The following FAM163A variants were observed in gnomAD, a reference collection of about 807,000 sequenced individuals.
FAM163A encodes family with sequence similarity 163 member A, also known as protein FAM163A.
In FAM163A, 7 loss-of-function variants were observed where a neutral mutation model predicts 12.0. That is an observed-to-expected ratio of 0.58 (90% CI 0.33 to 1.10). The LOEUF (loss-of-function observed/expected upper bound fraction) is 1.10. FAM163A is among the 50% of genes least tolerant of loss of function. The pLI is 0.03. For missense variants in FAM163A, 202 were observed against 218.6 expected (o/e 0.92, Z 0.48); for synonymous variants, 101 against 91.0 (o/e 1.11, Z -0.62).
intron 1 of FAM163A, among the ~76,000 whole-genome samples, chr1:179,797,213 G>A (rs530198092): frequency 2.0e-5 from 3 of 152,194 alleles, no homozygotes; most frequent in South Asian, 2.1e-4. Flanking sequence ...GTGGGAGGCC[G>A]AGGCGGGCAG....
At chr1:179,757,097 A>G (rs893941963) in intron 1 of FAM163A, among the ~76,000 whole-genome samples, 18 of 152,168 alleles carry the variant, frequency 1.2e-4, no homozygotes, top group African/African-American at 4.3e-4. Flanking sequence ...GTGTGGACAC[A>G]GCAAGTATAG....
chr1:179,743,794 A>T (rs1684013554), intron 1 of FAM163A, among the ~76,000 whole-genome samples: 4 of 152,064 alleles, frequency 2.6e-5, no homozygotes, highest in Admixed American at 2.0e-4. Flanking sequence ...GGCCGTGCCG[A>T]AGGCGCTCTA....
At chr1:179,795,472 AAG>A (rs1158638758) in intron 1 of FAM163A, among the ~76,000 whole-genome samples, 3 of 152,168 alleles carry the variant, frequency 2.0e-5, no homozygotes, top group African/African-American at 4.8e-5. Flanking sequence ...CTCCTGATAA[AAG>A]GATAAATTGG....
rs1001645109 is a variant in FAM163A at position 179,816,006 on chromosome 1, G to C, written c.*1817G>C. ...CATTTTCTCCAGGGAAACGAGGCTTGCCCAGATAGACTAACAACCCTTTAG... is the reference window on the plus strand; with the variant it reads ...CATTTTCTCCAGGGAAACGAGGCTTCCCCAGATAGACTAACAACCCTTTAG... On this transcript the variant is annotated 3_prime_UTR_variant, in exon 5 of 5. Coordinates refer to ENST00000341785, the MANE Select transcript of FAM163A (RefSeq NM_173509.3). 1 of 152,176 alleles carries C rather than the reference G, an allele frequency of 6.6e-6. No homozygotes were observed. Among genetic ancestry groups the C allele is most frequent in the African/African-American group, 2.4e-5 (1 of 41,394 alleles). 9.4% of individuals were successfully genotyped at this position (152,176 alleles called of 1,614,324 possible).
intron 1 of FAM163A, among the ~76,000 whole-genome samples, chr1:179,786,771 T>C (rs1690691574): frequency 6.6e-6 from 1 of 152,190 alleles, no homozygotes; most frequent in African/African-American, 2.4e-5. Context: ...CCTGAGCATT[T>C]CCAAAGTGAC....
At chr1:179,742,456 T>G (rs1224210262), upstream of FAM163A, 1 of 152,214 alleles carries the variant, frequency 6.6e-6, no homozygotes, top group Non-Finnish European at 1.5e-5. Flanking sequence ...CTCGCTGTCT[T>G]CAGTCCAATC....
chr1:179,774,460 T>G (rs1688676441), intron 1 of FAM163A, among the ~76,000 whole-genome samples: 1 of 152,204 alleles, frequency 6.6e-6, no homozygotes, highest in Admixed American at 6.5e-5. Context: ...CCTATGTGCT[T>G]TTTTCTCCGG....
At chr1:179,763,571 T>A (rs942972399) in intron 1 of FAM163A, among the ~76,000 whole-genome samples, 2 of 152,226 alleles carry the variant, frequency 1.3e-5, no homozygotes, top group Non-Finnish European at 2.9e-5. Context: ...TTTCCTACTT[T>A]CCTGCTCTAA....
intron 1 of FAM163A, among the ~76,000 whole-genome samples, chr1:179,782,139 G>A (rs1205367257): frequency 2.6e-5 from 4 of 152,072 alleles, no homozygotes; most frequent in East Asian, 1.9e-4. Flanking sequence ...ATGATCTCAC[G>A]GGCCGGGTGG....
At chr1:179,761,763 C>CGAGT (rs1184412179) in intron 1 of FAM163A, among the ~76,000 whole-genome samples, 1 of 151,874 alleles carries the variant, frequency 6.6e-6, no homozygotes, top group Non-Finnish European at 1.5e-5. Context: ...TTAGGATAAT[C>CGAGT]GAGTATTGAG....
chr1:179,739,371 A>T (rs1011338713), upstream of FAM163A, among the ~76,000 whole-genome samples: 1 of 152,226 alleles, frequency 6.6e-6, no homozygotes, highest in Non-Finnish European at 1.5e-5. Flanking sequence ...GGATGAAAAG[A>T]CTGGGGGAAA....
rs541938106 is a variant in FAM163A, at chr1:179,765,163, C to T, written c.-136+21740C>T. ...TGCCGCTGGTGGAGGCTGGTTTGCTCTGTGTCAAAGTGGATGTCACCCCAC... is the reference window on the plus strand; with the variant it reads ...TGCCGCTGGTGGAGGCTGGTTTGCTTTGTGTCAAAGTGGATGTCACCCCAC... On this transcript the variant is annotated intron_variant, in intron 1 of 4. Transcript: ENST00000341785. Among the ~76,000 whole-genome samples the T allele has an allele frequency of 4.6e-4, 70 of 152,324 alleles. 1 individual carries two copies. In the South Asian group the frequency reaches 0.014, roughly 31 times the overall value.
At chr1:179,785,557 G>A (rs1288096176) in intron 1 of FAM163A, among the ~76,000 whole-genome samples, 1 of 152,144 alleles carries the variant, frequency 6.6e-6, no homozygotes, top group East Asian at 1.9e-4. Flanking sequence ...GGGGAGTGGG[G>A]AGGGGGTCAT....
At chr1:179,793,813 G>A (rs1691870165) in intron 1 of FAM163A, among the ~76,000 whole-genome samples, 4 of 152,224 alleles carry the variant, frequency 2.6e-5, no homozygotes, top group Admixed American at 2.0e-4. Flanking sequence ...TGATGCAGTG[G>A]GCATTTGGCC....
chr1:179,799,651 T>C (rs1692879166), intron 1 of FAM163A, among the ~76,000 whole-genome samples: 1 of 152,236 alleles, frequency 6.6e-6, no homozygotes, highest in Non-Finnish European at 1.5e-5. Flanking sequence ...GAAAACTCTC[T>C]AAACTGTTAA....
At chr1:179,774,299 C>G (rs1688655585) in intron 1 of FAM163A, among the ~76,000 whole-genome samples, 1 of 152,250 alleles carries the variant, frequency 6.6e-6, no homozygotes, top group African/African-American at 2.4e-5. Context: ...AGGTGTGCTG[C>G]AGGCAGCCAG....
At chr1:179,740,991 T>C (rs1683569780), upstream of FAM163A, among the ~76,000 whole-genome samples, 1 of 152,184 alleles carries the variant, frequency 6.6e-6, no homozygotes, top group Non-Finnish European at 1.5e-5. Flanking sequence ...AAAAAGCGAC[T>C]CTTGATCAAA....
chr1:179,749,429 A>G (rs1251019998), intron 1 of FAM163A, among the ~76,000 whole-genome samples: 2 of 152,234 alleles, frequency 1.3e-5, no homozygotes, highest in African/African-American at 4.8e-5. Flanking sequence ...CAACAAGAAG[A>G]CAAATCAGAG....
intron 1 of FAM163A, among the ~76,000 whole-genome samples, chr1:179,771,438 C>A (rs1688275015): frequency 6.6e-6 from 1 of 152,170 alleles, no homozygotes; most frequent in Admixed American, 6.5e-5. Flanking sequence ...TTCCATCCTA[C>A]CCTCTTTTTC....
Sources: allele counts gnomAD v4.1 joint callset (sites outside exome capture counted in the v4.1 genomes callset), GRCh38; gene constraint gnomAD v4.1.1; transcripts MANE v1.5; gene names NCBI Gene and HGNC (gene_info 2026-07-23, HGNC 2026-07-21).